The following RBFOX1 variants were observed in gnomAD, a reference collection of about 807,000 sequenced individuals.
RBFOX1 encodes RNA binding fox-1 homolog 1.
In RBFOX1, 8 loss-of-function variants were observed where a neutral mutation model predicts 57.7. The ratio of observed to expected loss-of-function variants is 0.14; its 90% CI spans 0.08 to 0.25. RBFOX1 has a LOEUF of 0.25. RBFOX1 is among the 10% of genes least tolerant of loss of function. RBFOX1 has a pLI of 1.00. For missense variants in RBFOX1, 611 were observed against 548.5 expected (o/e 1.11, Z -1.14); for synonymous variants, 326 against 222.4 (o/e 1.47, Z -4.15).
chr16:5,751,164 A>T (rs557639739), intron 3 of RBFOX1, among the ~76,000 whole-genome samples: 4 of 152,184 alleles, frequency 2.6e-5, no homozygotes, highest in African/African-American at 9.6e-5. Context: ...CTTTCTGTTC[A>T]ATCCAGACAG....
intron 4 of RBFOX1, among the ~76,000 whole-genome samples, chr16:7,269,439 T>G (rs532609389): frequency 1.3e-5 from 2 of 152,166 alleles, no homozygotes; most frequent in African/African-American, 4.8e-5. Flanking sequence ...GGGGTCTCTG[T>G]GTGTGTGTAT....
intron 3 of RBFOX1, among the ~76,000 whole-genome samples, chr16:6,905,830 T>G (rs1473446709): frequency 1.3e-5 from 2 of 152,190 alleles, no homozygotes; most frequent in African/African-American, 4.8e-5. Context: ...ACGGTGGTAT[T>G]AGTGGCTGAG....
chr16:6,899,440 G>A (rs1255827189), intron 3 of RBFOX1, among the ~76,000 whole-genome samples: 1 of 152,092 alleles, frequency 6.6e-6, no homozygotes, highest in Non-Finnish European at 1.5e-5. Context: ...TACATTTTTA[G>A]TTGGTTGTTT....
At position 7,095,226 on chromosome 16, in the gene RBFOX1, TC is replaced by T. The variant is rs1300076553; in HGVS notation, c.27+43131del. Among the ~76,000 whole-genome samples the T allele has an allele frequency of 2.0e-5, 3 of 152,278 alleles. No individual in the cohort carries two copies. In the East Asian group the frequency reaches 5.8e-4, roughly 29 times the overall value. ...ATCTCAGCTCACTGCAACCTCCGCCTCCCAGGTTCAAACGATTCTCCTGCCT... is the reference window on the plus strand; with the variant it reads ...ATCTCAGCTCACTGCAACCTCCGCCTCCAGGTTCAAACGATTCTCCTGCCT... On this transcript the variant is annotated intron_variant, in intron 4 of 15. Coordinates refer to ENST00000550418, the MANE Select transcript of RBFOX1 (RefSeq NM_018723.4).
intron 3 of RBFOX1, among the ~76,000 whole-genome samples, chr16:6,880,031 C>T (rs2062611070): frequency 6.6e-6 from 1 of 152,172 alleles, no homozygotes; most frequent in African/African-American, 2.4e-5. Flanking sequence ...GCCTCTGTTT[C>T]CTCCATCCAT....
chr16:7,340,728 C>T (rs927609402), intron 4 of RBFOX1, among the ~76,000 whole-genome samples: 1 of 152,166 alleles, frequency 6.6e-6, no homozygotes, highest in Admixed American at 6.5e-5. Flanking sequence ...TGACGTAGAC[C>T]TCCCATCATT....
chr16:7,065,150 A>T (rs1264126794), intron 4 of RBFOX1, among the ~76,000 whole-genome samples: 2 of 152,156 alleles, frequency 1.3e-5, no homozygotes, highest in African/African-American at 4.8e-5. Context: ...TTGTAACCTT[A>T]CCTAAATGAG....
chr16:5,564,013 TA>T (rs869196121), intron 2 of RBFOX1, among the ~76,000 whole-genome samples: 1 of 152,174 alleles, frequency 6.6e-6, no homozygotes, highest in African/African-American at 2.4e-5. Context: ...AGAGTTTTTT[TA>T]AAAAATTTTT....
intron 2 of RBFOX1, among the ~76,000 whole-genome samples, chr16:6,390,706 C>T (rs1596485810): frequency 1.3e-5 from 2 of 152,242 alleles, no homozygotes; most frequent in Admixed American, 1.3e-4. Flanking sequence ...AGAGACTACC[C>T]TTAAGTTGAA....
chr16:7,425,589 G>A (rs1394991613), intron 4 of RBFOX1, among the ~76,000 whole-genome samples: 7 of 152,156 alleles, frequency 4.6e-5, no homozygotes, highest in African/African-American at 1.4e-4. Flanking sequence ...AAATTACATA[G>A]TTTCCTCTTG....
intron 3 of RBFOX1, among the ~76,000 whole-genome samples, chr16:5,814,277 C>G (rs2055540996): frequency 6.6e-6 from 1 of 152,030 alleles, no homozygotes; most frequent in South Asian, 2.1e-4. Flanking sequence ...ATGCTATGTC[C>G]TAATGAAGAA....
chr16:7,183,736 C>T (rs752077389), intron 4 of RBFOX1, among the ~76,000 whole-genome samples: 2 of 152,186 alleles, frequency 1.3e-5, no homozygotes, highest in Non-Finnish European at 2.9e-5. Context: ...CTTAGGCTTA[C>T]TGTCAGAACA....
chr16:7,518,189 C>G lies in RBFOX1; in HGVS notation c.70C>G (p.Pro24Ala), dbSNP rs148751394. Residue 24 changes from proline to alanine, a missense_variant, in exon 5 of 16, where the codon CCT becomes GCT. Physicochemically the swap from Pro to Ala is conservative, Grantham distance 27. Around this residue, in one of 3 missense-constraint regions of RBFOX1, gnomAD observed 245 missense variants for 159.1 expected, o/e 1.54. Coordinates refer to ENST00000550418, the MANE Select transcript of RBFOX1 (RefSeq NM_018723.4). ...CGCTGCCCCTGACACAATGGCTCAG[C>G]CTTACGCTTCGGCCCAGTTTGCTCC... ...AAAAPDTMAQ[P>A]YASAQFAPPQ... is the part of the protein sequence containing the mutation. The G allele has an allele frequency of 3.1e-6, 5 of 1,613,972 alleles. No individual in the cohort carries two copies. Among genetic ancestry groups the G allele is most frequent in the South Asian group, 1.1e-5 (1 of 91,050 alleles).
At chr16:7,584,099 C>T (rs1037303743) in intron 6 of RBFOX1, among the ~76,000 whole-genome samples, 2 of 152,192 alleles carry the variant, frequency 1.3e-5, no homozygotes, top group Non-Finnish European at 2.9e-5. Flanking sequence ...GAAGCTGACA[C>T]TAAGAAAAAC....
At chr16:7,439,279 A>G (rs953006188) in intron 4 of RBFOX1, among the ~76,000 whole-genome samples, 7 of 152,042 alleles carry the variant, frequency 4.6e-5, no homozygotes, top group African/African-American at 7.2e-5. Context: ...TTCAGGTGCC[A>G]GTGACGGTGA....
chr16:6,562,889 T>C (rs1375021615), intron 2 of RBFOX1, among the ~76,000 whole-genome samples: 3 of 142,930 alleles, frequency 2.1e-5, no homozygotes, highest in Admixed American at 1.4e-4. Flanking sequence ...TCTTTTTTTT[T>C]TTTTTTTTTG....
At chr16:6,836,920 G>A (rs918034250) in intron 3 of RBFOX1, among the ~76,000 whole-genome samples, 18 of 152,198 alleles carry the variant, frequency 1.2e-4, no homozygotes, top group Admixed American at 8.5e-4. Context: ...AGCAAAGAGT[G>A]TGACACACAT....
At chr16:6,063,462 C>G (rs1408455683) in intron 1 of RBFOX1, among the ~76,000 whole-genome samples, 2 of 100,144 alleles carry the variant, frequency 2.0e-5, no homozygotes, top group South Asian at 3.6e-4. Flanking sequence ...TTCTCTTTCT[C>G]CGACACACAC....
intron 1 of RBFOX1, among the ~76,000 whole-genome samples, chr16:5,284,388 T>A (rs2063341227): frequency 6.6e-6 from 1 of 152,188 alleles, no homozygotes; most frequent in African/African-American, 2.4e-5. Context: ...GTGTCTGCTC[T>A]ATCAGAGAGT....
Sources: allele counts gnomAD v4.1 joint callset (sites outside exome capture counted in the v4.1 genomes callset), GRCh38; gene constraint gnomAD v4.1.1; regional missense constraint gnomAD v4.1.1; transcripts MANE v1.5; gene names NCBI Gene and HGNC (gene_info 2026-07-23, HGNC 2026-07-21).